UBE2L3: variants seen among roughly 807,000 people sequenced by gnomAD.
The protein encoded by UBE2L3 is ubiquitin-conjugating enzyme E2 L3.
Under a neutral mutation model 17.8 loss-of-function variants are expected in UBE2L3, and 1 was observed. The observed-to-expected ratio is 0.06, with a 90% CI of 0.02 to 0.27. The LOEUF is 0.27. UBE2L3 is among the 10% of genes least tolerant of loss of function. The pLI, the probability that UBE2L3 is intolerant of heterozygous loss-of-function variation, is 1.00. For synonymous variants in UBE2L3, 44 were observed against 68.5 expected (o/e 0.64, Z 1.76); for missense variants, 40 against 192.6 (o/e 0.21, Z 4.69).
At chr22:21,580,227 T>G (rs1927547564) in intron 1 of UBE2L3, among the ~76,000 whole-genome samples, 1 of 152,164 alleles carries the variant, frequency 6.6e-6, no homozygotes, top group Non-Finnish European at 1.5e-5. Flanking sequence ...GTTCTAGTCC[T>G]GGGCATGCTC....
chr22:21,558,001 C>T (rs1200188089), intron 1 of UBE2L3, among the ~76,000 whole-genome samples: 7 of 150,704 alleles, frequency 4.6e-5, no homozygotes, highest in African/African-American at 9.8e-5. Context: ...TTCCCTGACC[C>T]GGAGAGAAGG....
At chr22:21,556,790 T>G (rs928593671) in intron 1 of UBE2L3, among the ~76,000 whole-genome samples, 8 of 152,268 alleles carry the variant, frequency 5.3e-5, no homozygotes, top group Non-Finnish European at 8.8e-5. Context: ...CTGGGCGCAG[T>G]GGCCCATGCC....
chr22:21,578,962 A>ATTAT (rs201411923), intron 1 of UBE2L3, among the ~76,000 whole-genome samples: 11,988 of 147,988 alleles, frequency 0.081, 908 homozygotes, highest in African/African-American at 0.19. Flanking sequence ...AGCTAAGTGT[A>ATTAT]TTATTTATTT....
At chr22:21,568,369 A>G in intron 1 of UBE2L3, 1 of 985,460 alleles carries the variant, frequency 1.0e-6, no homozygotes, top group Non-Finnish European at 1.2e-6. Context: ...CTGCAGAGTC[A>G]CACAGCGGGT....
intron 1 of UBE2L3, among the ~76,000 whole-genome samples, chr22:21,570,644 A>G (rs1031606139): frequency 6.6e-6 from 1 of 152,116 alleles, no homozygotes; most frequent in Non-Finnish European, 1.5e-5. Flanking sequence ...TCAGTTCACT[A>G]GGGGAACACC....
rs776791589 is a variant in UBE2L3 at position 21,567,768 on chromosome 22, G to A, written c.24G>A (p.Met8Ile). Residue 8 changes from methionine to isoleucine, a missense_variant, in exon 1 of 4, where the codon ATG (methionine) becomes ATA (isoleucine). Transcript: ENST00000342192. Reference sequence around the variant, plus strand: ...AGATGGCGGCCAGCAGGAGGCTGATGAAGGTAAAAGCCATTCTCTGGCAGC... The same window carrying A: ...AGATGGCGGCCAGCAGGAGGCTGATAAAGGTAAAAGCCATTCTCTGGCAGC... MAASRRL[M>I]KELEEIRKCG... 60 of 1,583,948 alleles carry A rather than the reference G, an allele frequency of 3.8e-5. No individual in the cohort carries two copies. The highest frequency in any genetic ancestry group is 5.1e-5 in the Non-Finnish European group (59 of 1,166,670).
intron 1 of UBE2L3, among the ~76,000 whole-genome samples, chr22:21,578,172 A>G: frequency 6.6e-6 from 1 of 151,982 alleles, no homozygotes; most frequent in South Asian, 2.1e-4. Flanking sequence ...CCTGGCTAAC[A>G]CAGTGAAACC....
chr22:21,597,760 TC>T (rs1469600967), intron 2 of UBE2L3, among the ~76,000 whole-genome samples: 1 of 149,160 alleles, frequency 6.7e-6, no homozygotes, highest in East Asian at 2.0e-4. Flanking sequence ...GGATCTTTGA[TC>T]CATTTATATG....
At chr22:21,566,470 C>T (rs778466591), upstream of UBE2L3, among the ~76,000 whole-genome samples, 2 of 151,804 alleles carry the variant, frequency 1.3e-5, no homozygotes, top group Non-Finnish European at 2.9e-5. Flanking sequence ...GCCTGTAGTC[C>T]CAGTTAATTG....
intron 1 of UBE2L3, among the ~76,000 whole-genome samples, chr22:21,574,129 G>A (rs1927132643): frequency 6.6e-6 from 1 of 152,156 alleles, no homozygotes; most frequent in South Asian, 2.1e-4. Flanking sequence ...GCTTCATCAT[G>A]CCTGTTCTTG....
chr22:21,563,419 A>G (rs131659), upstream of UBE2L3, among the ~76,000 whole-genome samples: 43,039 of 137,760 alleles, frequency 0.31, 7,641 homozygotes, highest in East Asian at 0.52. Flanking sequence ...AAAATTAGCC[A>G]GGCGTGGTGG....
At chr22:21,570,209 C>T (rs181092850) in intron 1 of UBE2L3, among the ~76,000 whole-genome samples, 1 of 152,270 alleles carries the variant, frequency 6.6e-6, no homozygotes, top group African/African-American at 2.4e-5. Context: ...CCTAATTCAT[C>T]CTGGTAGCCC....
chr22:21,563,877 T>C (rs971068184), upstream of UBE2L3, among the ~76,000 whole-genome samples: 15 of 151,836 alleles, frequency 9.9e-5, no homozygotes, highest in African/African-American at 3.6e-4. Flanking sequence ...ACCTGGACTA[T>C]TTATTTTTGT....
At chr22:21,618,575 C>T (rs1929900382) in intron 3 of UBE2L3, among the ~76,000 whole-genome samples, 2 of 147,242 alleles carry the variant, frequency 1.4e-5, no homozygotes, top group African/African-American at 4.9e-5. Context: ...GACTCCATCT[C>T]AAAAAATATA....
rs927753772 is a variant in UBE2L3, at chr22:21,594,709, C to T, written c.123+1753C>T. ...CTTTAGGCTTGATGGTGTTAGGGCT[C>T]AGGGCAAAGGGTGTGGGTGGCAGAG... On this transcript the variant is annotated intron_variant, in intron 2 of 3. Coordinates refer to ENST00000342192, the MANE Select transcript of UBE2L3 (RefSeq NM_003347.4). 1.8e-4 allele frequency among the ~76,000 whole-genome samples: 27 copies of T among 152,190 alleles called. 1 individual carries two copies. The highest frequency in any genetic ancestry group is 5.5e-4 in the African/African-American group (23 of 41,526).
At chr22:21,618,539 C>A (rs1929898348) in intron 3 of UBE2L3, among the ~76,000 whole-genome samples, 1 of 151,436 alleles carries the variant, frequency 6.6e-6, no homozygotes, top group Non-Finnish European at 1.5e-5. Context: ...GATTGTGCCA[C>A]TAACTCAGCC....
Position 21,621,979 on chromosome 22 carries a change from C to A in UBE2L3, c.*310C>A. ...CAAAATCTTCAAGTTACATTTAACC[C>A]ATAAGGTTTAAAAAAAAGGAAAAAA... On this transcript the variant is annotated 3_prime_UTR_variant, in exon 4 of 4. Transcript: ENST00000342192. 3 of 262,080 alleles carry A rather than the reference C, an allele frequency of 1.1e-5. No homozygotes were observed. Among genetic ancestry groups the A allele is most frequent in the Non-Finnish European group, 2.1e-5 (3 of 141,196 alleles). The allele number at this position is 262,080 out of a possible 1,614,324, so 16.2% of individuals were successfully genotyped here. A position where few individuals can be genotyped will look rare whatever the true frequency, so the allele number is the denominator to read the frequency against.
At chr22:21,556,214 T>C (rs1278186067) in intron 1 of UBE2L3, among the ~76,000 whole-genome samples, 1 of 152,086 alleles carries the variant, frequency 6.6e-6, no homozygotes, top group Non-Finnish European at 1.5e-5. Flanking sequence ...CTGGGAGACA[T>C]AGTGACACCC....
chr22:21,587,450 A>T (rs539700873), intron 1 of UBE2L3, among the ~76,000 whole-genome samples: 1 of 152,232 alleles, frequency 6.6e-6, no homozygotes, highest in South Asian at 2.1e-4. Flanking sequence ...AAGTGCTGGG[A>T]TTACAGGTGT....
Sources: allele counts gnomAD v4.1 joint callset (sites outside exome capture counted in the v4.1 genomes callset), GRCh38; gene constraint gnomAD v4.1.1; transcripts MANE v1.5; gene names NCBI Gene and HGNC (gene_info 2026-07-23, HGNC 2026-07-21).